The following MEIS2 variants were observed in gnomAD, a reference collection of about 807,000 sequenced individuals.
The protein encoded by MEIS2 is homeobox protein Meis2.
Under a neutral mutation model 58.6 loss-of-function variants are expected in MEIS2, and 9 were observed. The observed-to-expected ratio is 0.15, with a 90% CI of 0.09 to 0.27. The LOEUF (loss-of-function observed/expected upper bound fraction) is 0.27, where lower values mean the gene tolerates loss of function less well. MEIS2 is among the 10% of genes least tolerant of loss of function. MEIS2 has a pLI of 1.00. For synonymous variants in MEIS2, 221 were observed against 228.4 expected (o/e 0.97, Z 0.29); for missense variants, 427 against 635.0 (o/e 0.67, Z 3.52).
chr15:36,980,401 T>C (rs1408849466), intron 8 of MEIS2, among the ~76,000 whole-genome samples: 4 of 152,170 alleles, frequency 2.6e-5, no homozygotes, highest in African/African-American at 9.6e-5. Context: ...TAGTTCCACA[T>C]GGCTGGGGAG....
intron 9 of MEIS2, chr15:36,898,105 C>T (rs367643571): frequency 1.2e-3 from 178 of 152,256 alleles, no homozygotes; most frequent in African/African-American, 4.2e-3. Flanking sequence ...GAAAGTGTAG[C>T]TCAGTTGTCA....
At chr15:36,936,200 T>TC (rs1038360623) in intron 9 of MEIS2, among the ~76,000 whole-genome samples, 20 of 149,708 alleles carry the variant, frequency 1.3e-4, no homozygotes, top group African/African-American at 4.6e-4. Context: ...TTTCTTTCTT[T>TC]TTTTTTTTTT....
intron 8 of MEIS2, among the ~76,000 whole-genome samples, chr15:37,010,254 A>T (rs1465866024): frequency 6.6e-6 from 1 of 151,480 alleles, no homozygotes; most frequent in Non-Finnish European, 1.5e-5. Flanking sequence ...CACCTGGCTA[A>T]TTTTTTGTAT....
chr15:37,093,810 A>G, intron 5 of MEIS2, 80 bp from the exon 6 acceptor site: 2 of 1,583,666 alleles, frequency 1.3e-6, no homozygotes, highest in South Asian at 2.3e-5. Context: ...AAGGAAAAAT[A>G]CCAGGTTGCA....
chr15:36,998,236 G>GT (rs5811954), intron 8 of MEIS2, among the ~76,000 whole-genome samples: 4,828 of 66,644 alleles, frequency 0.072, 81 homozygotes, highest in East Asian at 0.22. Context: ...AAAACACAAA[G>GT]TTTTTTTTTT....
intron 7 of MEIS2, among the ~76,000 whole-genome samples, chr15:37,045,184 C>G (rs1377694360): frequency 1.3e-5 from 2 of 152,270 alleles, no homozygotes; most frequent in Admixed American, 1.3e-4. Context: ...AGAGAGAGTG[C>G]TAGGAGAGAG....
chr15:36,988,087 C>G (rs2060151078), intron 8 of MEIS2, among the ~76,000 whole-genome samples: 1 of 152,096 alleles, frequency 6.6e-6, no homozygotes, highest in African/African-American at 2.4e-5. Context: ...GGATTGTATA[C>G]TGGAAATTTG....
At chr15:36,968,893 A>G (rs2059441229) in intron 8 of MEIS2, among the ~76,000 whole-genome samples, 1 of 152,224 alleles carries the variant, frequency 6.6e-6, no homozygotes, top group South Asian at 2.1e-4. Flanking sequence ...AGAACTGTAT[A>G]GTTGAGGATC....
chr15:36,911,215 T>C (rs2057006013), intron 9 of MEIS2, among the ~76,000 whole-genome samples: 1 of 152,146 alleles, frequency 6.6e-6, no homozygotes, highest in Admixed American at 6.5e-5. Flanking sequence ...TTACTATGCC[T>C]AAAATGTCTG....
At chr15:36,951,664 T>C (rs998068319) in intron 8 of MEIS2, among the ~76,000 whole-genome samples, 1 of 152,206 alleles carries the variant, frequency 6.6e-6, no homozygotes, top group South Asian at 2.1e-4. Flanking sequence ...TGTATTAATA[T>C]AGAAGCCAGG....
intron 11 of MEIS2, 112 bp from the exon 12 acceptor site, chr15:36,892,571 T>C (rs758870659): frequency 2.2e-5 from 21 of 958,912 alleles, no homozygotes; most frequent in Non-Finnish European, 3.1e-5. Context: ...CTGCAAATCT[T>C]ATACCTAAAT....
intron 7 of MEIS2, among the ~76,000 whole-genome samples, chr15:37,059,971 C>A (rs1379136667): frequency 2.6e-5 from 4 of 152,080 alleles, no homozygotes; most frequent in Non-Finnish European, 5.9e-5. Flanking sequence ...CACGCTGTCA[C>A]GCAGGCTGGA....
rs1015272477 is a variant in MEIS2, at chr15:36,891,179, A to C, written c.*994T>G. The C allele has an allele frequency of 1.1e-4, 17 of 152,586 alleles. No individual in the cohort carries two copies. The highest frequency in any genetic ancestry group is 3.6e-4 in the African/African-American group (15 of 41,424). 9.5% of individuals were successfully genotyped at this position (152,586 alleles called of 1,614,324 possible). A position where few individuals can be genotyped will look rare whatever the true frequency, so the allele number is the denominator to read the frequency against. On this transcript the variant is annotated 3_prime_UTR_variant, in exon 12 of 12. Transcript: ENST00000561208. Reference sequence around the variant, plus strand: ...TTCTTCTAGTGAGGAACACGTGCTGAGAAAAGAAGAATTCATGGACATACA... The same window carrying C: ...TTCTTCTAGTGAGGAACACGTGCTGCGAAAAGAAGAATTCATGGACATACA...
intron 9 of MEIS2, among the ~76,000 whole-genome samples, chr15:36,949,534 A>G (rs1326989206): frequency 6.6e-6 from 1 of 152,038 alleles, no homozygotes; most frequent in Non-Finnish European, 1.5e-5. Flanking sequence ...CATGTAATTA[A>G]GTTTGTATAA....
At chr15:36,998,665 T>C (rs1172002633) in intron 8 of MEIS2, among the ~76,000 whole-genome samples, 1 of 152,226 alleles carries the variant, frequency 6.6e-6, no homozygotes, top group Non-Finnish European at 1.5e-5. Flanking sequence ...CAGTTTCATC[T>C]GGTTAGGTTG....
intron 7 of MEIS2, among the ~76,000 whole-genome samples, chr15:37,057,226 AC>A (rs1888551128): frequency 6.6e-6 from 1 of 152,186 alleles, no homozygotes; most frequent in Non-Finnish European, 1.5e-5. Context: ...TTAAGCGTAG[AC>A]CCTGATAAAG....
chr15:36,981,736 C>T (rs1434500433), intron 8 of MEIS2, among the ~76,000 whole-genome samples: 1 of 152,080 alleles, frequency 6.6e-6, no homozygotes, highest in East Asian at 1.9e-4. Flanking sequence ...TAGACATTAG[C>T]ATTTGAATCA....
rs766000955 is a variant in MEIS2 at position 37,093,665 on chromosome 15, G to A, written c.555C>T (p.Ile185=). ...CGTCTCTTTCATCAATGACGAGGTC[G>A]ATGGGCATTTTCCCCTTCAAACAGC... ...YISCLKGKMP[I]DLVIDERDGS... The change falls in exon 6 of 12, where the codon ATC becomes ATT. Residue 185 remains isoleucine, a synonymous_variant. Coordinates refer to ENST00000561208, the MANE Select transcript of MEIS2 (RefSeq NM_170675.5). 10 of 1,614,060 alleles carry A rather than the reference G, an allele frequency of 6.2e-6. No homozygotes were observed. The South Asian group carries it at 6.6e-5, about 11-fold the overall frequency.
intron 9 of MEIS2, among the ~76,000 whole-genome samples, chr15:36,938,745 G>C (rs1367573725): frequency 6.6e-6 from 1 of 152,106 alleles, no homozygotes; most frequent in Non-Finnish European, 1.5e-5. Flanking sequence ...GAATTTTAAA[G>C]ATAGAAAGGA....
Sources: gnomAD v4.1 joint callset for allele counts (sites outside exome capture counted in the v4.1 genomes callset) on GRCh38, gnomAD v4.1.1 for gene constraint, MANE v1.5 for transcripts, NCBI Gene and HGNC (gene_info 2026-07-23, HGNC 2026-07-21) for gene names.